Variants in BABAM2 observed in about 807,000 individuals in gnomAD.
BABAM2 encodes BRISC and BRCA1 A complex member 2.
A neutral mutation model predicts 54.7 loss-of-function variants in BABAM2; 31 were observed. The ratio of observed to expected loss-of-function variants is 0.57; its 90% confidence interval spans 0.43 to 0.77. The LOEUF (loss-of-function observed/expected upper bound fraction) is 0.77, where lower values mean the gene tolerates loss of function less well. Ranked by LOEUF, BABAM2 falls within the 30% of genes least tolerant of loss-of-function variation. BABAM2 has a pLI of 0.00. For synonymous variants in BABAM2, 167 were observed against 162.9 expected, an observed-to-expected ratio of 1.03 and a Z score of -0.19; for missense variants, 364 against 455.8, an observed-to-expected ratio of 0.80 and a Z score of 1.83.
intron 3 of BABAM2, among the ~76,000 whole-genome samples, chr2:27,959,846 A>G (rs1202537370): frequency 6.6e-6 from 1 of 150,588 alleles, no homozygotes; most frequent in Non-Finnish European, 1.5e-5. Flanking sequence ...TTTTTTTCGT[A>G]CTTTCAGTGA....
At chr2:27,890,489 A>C (rs1573091425), upstream of BABAM2, 1 of 657,222 alleles carries the variant, frequency 1.5e-6, no homozygotes, top group East Asian at 2.8e-5. This position sits in a 1 kb window ranked among gnomAD's most constrained non-coding sequence, Gnocchi z 4.8. Flanking sequence ...GCCCGAAATC[A>C]CCCCGCCCAC....
chr2:27,958,367 A>G (rs1013704059), intron 3 of BABAM2, among the ~76,000 whole-genome samples: 1 of 151,912 alleles, frequency 6.6e-6, no homozygotes, highest in Non-Finnish European at 1.5e-5. Context: ...TAGGAAAGAA[A>G]TGGGTGAATA....
chr2:28,025,321 C>G lies in BABAM2; in HGVS notation c.396C>G (p.Leu132=), dbSNP rs966739314. Residue 132 remains leucine (L), a synonymous_variant, in exon 5 of 12, where the codon CTC becomes CTG. Transcript: ENST00000379624. ...ATCACCAATTCCAATGTAGCCGCCT[C>G]CGGGAGAGCTCCCGCCTCATGTTTG... The part of the protein sequence containing the change: ...QQYHQFQCSR[L]RESSRLMFEY... 4 of 1,613,246 alleles carry G rather than the reference C, an allele frequency of 2.5e-6. No homozygotes were observed. Among genetic ancestry groups the G allele is most frequent in the Non-Finnish European group, 1.7e-6 (2 of 1,179,788 alleles).
intron 6 of BABAM2, among the ~76,000 whole-genome samples, chr2:28,089,244 A>C (rs1015906364): frequency 6.6e-6 from 1 of 152,200 alleles, no homozygotes; most frequent in Non-Finnish European, 1.5e-5. Context: ...CAACATCCAC[A>C]GACATGGTAC....
chr2:27,897,829 GC>G (rs1176573183), intron 2 of BABAM2, among the ~76,000 whole-genome samples: 2 of 152,100 alleles, frequency 1.3e-5, no homozygotes, highest in Non-Finnish European at 2.9e-5. Context: ...AAAGATTGGA[GC>G]CTCCTAAATT....
intron 6 of BABAM2, among the ~76,000 whole-genome samples, chr2:28,102,884 A>C (rs1258014202): frequency 6.6e-6 from 1 of 152,188 alleles, no homozygotes; most frequent in Non-Finnish European, 1.5e-5. Flanking sequence ...AACTGCATTG[A>C]GTTTTCTTAT....
At chr2:28,025,948 T>A (rs949586424) in intron 5 of BABAM2, among the ~76,000 whole-genome samples, 9 of 152,232 alleles carry the variant, frequency 5.9e-5, no homozygotes, top group African/African-American at 2.2e-4. Flanking sequence ...TACTTCTCTT[T>A]TTTTCTCTCA....
intron 6 of BABAM2, among the ~76,000 whole-genome samples, chr2:28,096,258 C>T (rs1666609647): frequency 6.6e-6 from 1 of 151,964 alleles, no homozygotes; most frequent in Admixed American, 6.6e-5. Flanking sequence ...TCTAAAATGC[C>T]ATTGTTTTAA....
intron 10 of BABAM2, among the ~76,000 whole-genome samples, chr2:28,274,691 G>A (rs1016592447): frequency 1.3e-5 from 2 of 152,142 alleles, no homozygotes; most frequent in African/African-American, 4.8e-5. Flanking sequence ...GCCTGGCCCG[G>A]TGTTAGGCAC....
At chr2:28,055,421 T>TA (rs1161087682) in intron 6 of BABAM2, among the ~76,000 whole-genome samples, 1 of 151,712 alleles carries the variant, frequency 6.6e-6, no homozygotes, top group Non-Finnish European at 1.5e-5. Context: ...AAATAAAAGT[T>TA]AAAAAAAAGA....
intron 3 of BABAM2, among the ~76,000 whole-genome samples, chr2:27,982,713 T>C (rs1291560386): frequency 6.6e-6 from 1 of 152,084 alleles, no homozygotes; most frequent in Non-Finnish European, 1.5e-5. Context: ...TTCAGGTGTT[T>C]CGTATAAGTG....
intron 11 of BABAM2, among the ~76,000 whole-genome samples, chr2:28,301,191 C>T (rs190029121): frequency 3.5e-4 from 53 of 152,320 alleles, no homozygotes; most frequent in Admixed American, 7.2e-4. Context: ...GACATAAACA[C>T]TCTCATGGTT....
intron 7 of BABAM2, among the ~76,000 whole-genome samples, chr2:28,224,984 C>CA (rs1300716144): frequency 1.3e-4 from 19 of 151,118 alleles, no homozygotes; most frequent in Non-Finnish European, 2.2e-4. Flanking sequence ...GATGAAGTTG[C>CA]AAAAAAAGGA....
intron 3 of BABAM2, among the ~76,000 whole-genome samples, chr2:27,968,460 G>T (rs545797061): frequency 1.3e-5 from 2 of 152,218 alleles, no homozygotes; most frequent in Non-Finnish European, 2.9e-5. Flanking sequence ...CAGGAGTGGG[G>T]CCCTCATGGA....
intron 6 of BABAM2, among the ~76,000 whole-genome samples, chr2:28,056,183 A>G (rs1678396088): frequency 6.6e-6 from 1 of 152,072 alleles, no homozygotes. Context: ...CAAGTCTAGC[A>G]CTCTAATGTG....
At chr2:28,042,236 A>G (rs1226974869) in intron 5 of BABAM2, among the ~76,000 whole-genome samples, 1 of 152,236 alleles carries the variant, frequency 6.6e-6, no homozygotes, top group African/African-American at 2.4e-5. Flanking sequence ...TAGGAGTTGG[A>G]TAAATGAAAT....
intron 10 of BABAM2, among the ~76,000 whole-genome samples, chr2:28,262,898 C>G (rs554723709): frequency 1.2e-3 from 183 of 152,164 alleles, no homozygotes; most frequent in Admixed American, 3.9e-3. Flanking sequence ...TGGCTTGGAA[C>G]TCGAAACCTT....
chr2:28,228,982 A>G lies in BABAM2; in HGVS notation c.681-8220A>G, dbSNP rs188899081. On this transcript the variant is annotated intron_variant, in intron 7 of 11. Transcript: ENST00000379624. ...CTCATCTTTCATATTTTTTAAATGTAAAGTTCTTTGCTTGCATTCCACCTT... is the reference window on the plus strand; with the variant it reads ...CTCATCTTTCATATTTTTTAAATGTGAAGTTCTTTGCTTGCATTCCACCTT... Among the ~76,000 whole-genome samples, 7 of 152,328 alleles carry G rather than the reference A, an allele frequency of 4.6e-5. No individual in the cohort carries two copies. In the East Asian group the frequency reaches 1.3e-3, roughly 29 times the overall value.
chr2:28,222,985 C>T (rs1680557154), intron 7 of BABAM2, among the ~76,000 whole-genome samples: 1 of 152,104 alleles, frequency 6.6e-6, no homozygotes, highest in Non-Finnish European at 1.5e-5. Context: ...TGTTTTGAAT[C>T]ATCTATTTTA....
Sources: allele counts gnomAD v4.1 joint callset (sites outside exome capture counted in the v4.1 genomes callset), GRCh38; gene constraint gnomAD v4.1.1; non-coding constraint Gnocchi (gnomAD v3.1); transcripts MANE v1.5; gene names NCBI Gene and HGNC (gene_info 2026-07-23, HGNC 2026-07-21).